Variants in SSU72 observed in about 807,000 individuals in gnomAD.
The protein encoded by SSU72 is SSU72 homolog, RNA polymerase II CTD phosphatase, also known as RNA polymerase II subunit A C-terminal domain phosphatase SSU72.
A neutral mutation model predicts 22.7 loss-of-function variants in SSU72; 12 were observed. The ratio of observed to expected loss-of-function variants is 0.53; its 90% confidence interval spans 0.34 to 0.86. The LOEUF (loss-of-function observed/expected upper bound fraction) is 0.86, where lower values mean the gene tolerates loss of function less well. Among genes scored for constraint, SSU72 ranks in the 40% least tolerant of loss-of-function variants. The pLI, the probability that SSU72 is intolerant of heterozygous loss-of-function variation, is 0.02. For synonymous variants in SSU72, 116 were observed against 98.3 expected, an observed-to-expected ratio of 1.18 and a Z score of -1.06; for missense variants, 151 against 249.8, an observed-to-expected ratio of 0.60 and a Z score of 2.67.
chr1:1,551,856 G>A (rs148143667), intron 2 of SSU72, among the ~76,000 whole-genome samples: 398 of 152,252 alleles, frequency 2.6e-3, no homozygotes, highest in African/African-American at 8.3e-3. Flanking sequence ...GGGCCACGCC[G>A]GGCCACCACT....
chr1:1,543,652 T>TCTGTCACGGCCTCGGCCACTCCCCA (rs1557493786), intron 4 of SSU72, among the ~76,000 whole-genome samples: 1 of 135,274 alleles, frequency 7.4e-6, no homozygotes, highest in African/African-American at 2.9e-5. Flanking sequence ...GCCACTCCCC[T>TCTGTCACGGCCTCGGCCACTCCCCA]CTGTCACGGC....
Position 1,546,136 on chromosome 1 carries a change from T to C in SSU72, c.225-1134A>G, listed in dbSNP as rs181690192. The C allele has an allele frequency of 3.8e-3, 578 of 152,396 alleles. 6 individuals carry two copies. The highest frequency in any genetic ancestry group is 0.013 in the African/African-American group (559 of 41,590). 9.4% of individuals were successfully genotyped at this position (152,396 alleles called of 1,614,324 possible). On this transcript the variant is annotated intron_variant, in intron 2 of 4. Coordinates refer to ENST00000291386, the MANE Select transcript of SSU72 (RefSeq NM_014188.3). ...AGACTGGGTTCCCAAAGATGAGCTC[T>C]GTGGTCTGCAGGAGCTCATTTGAGC...
At position 1,574,502 on chromosome 1, in the gene SSU72, C is replaced by T; in HGVS notation, c.56G>A (p.Ser19Asn). Residue 19 changes from serine to asparagine, a missense_variant, in exon 1 of 5, where the codon AGC (serine) becomes AAC (asparagine). Ser to Asn is a conservative substitution (Grantham distance 46). Transcript: ENST00000291386. ...CCTGAGGATGTTGTGCGCCTCCATGCTCCGGTTCTGGTTGCTCGAGCACAC... is the reference window on the plus strand; with the variant it reads ...CCTGAGGATGTTGTGCGCCTCCATGTTCCGGTTCTGGTTGCTCGAGCACAC... Reference protein sequence around the residue: ...AVVCSSNQNRSMEAHNILSKR... With the variant: ...AVVCSSNQNRNMEAHNILSKR... 1 of 1,595,742 alleles carries T rather than the reference C, an allele frequency of 6.3e-7. No individual in the cohort carries two copies. The highest frequency in any genetic ancestry group is 8.5e-7 in the Non-Finnish European group (1 of 1,173,290).
At chr1:1,549,839 T>G (rs1642435479) in intron 2 of SSU72, among the ~76,000 whole-genome samples, 1 of 151,890 alleles carries the variant, frequency 6.6e-6, no homozygotes, top group African/African-American at 2.4e-5. Context: ...CCGGGCATGG[T>G]GGCGGGTGCC....
chr1:1,543,314 C>G (rs55694463), intron 4 of SSU72, among the ~76,000 whole-genome samples: 1,702 of 152,354 alleles, frequency 0.011, 19 homozygotes, highest in Non-Finnish European at 0.015. Flanking sequence ...TGCACCGCAT[C>G]CCGGAGAGCT....
At position 1,544,138 on chromosome 1, in the gene SSU72, C is replaced by A. The variant is rs550147780; in HGVS notation, c.365-151G>T. The A allele has an allele frequency of 5.9e-4, 363 of 616,956 alleles. 6 individuals carry two copies. The highest frequency in any genetic ancestry group is 5.7e-3 in the South Asian group (287 of 50,552). 38.2% of individuals were successfully genotyped at this position (616,956 alleles called of 1,614,324 possible). On this transcript the variant is annotated intron_variant, in intron 3 of 4. Transcript: ENST00000291386. ...CAGTTTGGGGAGCACAATGAATGAG[C>A]CTCAAACCGAAGGCGGCTGATGGTT...
At chr1:1,549,468 A>G (rs890479480) in intron 2 of SSU72, among the ~76,000 whole-genome samples, 2 of 151,568 alleles carry the variant, frequency 1.3e-5, no homozygotes, top group South Asian at 2.1e-4. Flanking sequence ...TGCAGTGAGC[A>G]AGATCGCACC....
At chr1:1,550,927 T>A (rs1642448652) in intron 2 of SSU72, among the ~76,000 whole-genome samples, 2 of 152,026 alleles carry the variant, frequency 1.3e-5, no homozygotes, top group South Asian at 4.1e-4. Context: ...TAGGACCTCC[T>A]CTTAAGCTGG....
At chr1:1,548,417 T>G (rs775538524) in intron 2 of SSU72, among the ~76,000 whole-genome samples, 99 of 152,168 alleles carry the variant, frequency 6.5e-4, no homozygotes, top group Non-Finnish European at 1.1e-3. Flanking sequence ...TAGCCAGGCG[T>G]CGTGGCAGGC....
intron 2 of SSU72, among the ~76,000 whole-genome samples, chr1:1,552,025 C>G (rs1277372480): frequency 3.9e-5 from 6 of 152,230 alleles, no homozygotes; most frequent in Admixed American, 3.9e-4. Flanking sequence ...AATGTATCAG[C>G]AACTCCCCTG....
chr1:1,548,042 G>A (rs1284392222), intron 2 of SSU72, among the ~76,000 whole-genome samples: 1 of 152,210 alleles, frequency 6.6e-6, no homozygotes, highest in Non-Finnish European at 1.5e-5. Context: ...GGCCTGAAAC[G>A]TACCCAGAAA....
In SSU72 at chr1:1,542,479, C is replaced by G. The variant is rs555365426; in HGVS notation, c.484-312G>C. Among the ~76,000 whole-genome samples the G allele has an allele frequency of 5.3e-5, 8 of 152,282 alleles. No homozygotes were observed. Among genetic ancestry groups the G allele is most frequent in the Admixed American group, 3.3e-4 (5 of 15,304 alleles). On this transcript the variant is annotated intron_variant, in intron 4 of 4. Coordinates refer to ENST00000291386, the MANE Select transcript of SSU72 (RefSeq NM_014188.3). The surrounding 1 kb of genome is among the most constrained non-coding windows in gnomAD (Gnocchi z 4.4). ...GCCAGGGCTCAGACCCACACATGCA[C>G]AGCGGGGCCGACCAACCCTCACCGC...
chr1:1,547,125 G>A (rs1433099755), intron 2 of SSU72, among the ~76,000 whole-genome samples: 1 of 152,138 alleles, frequency 6.6e-6, no homozygotes, highest in Non-Finnish European at 1.5e-5. Flanking sequence ...TCACGGAGAG[G>A]AACCGGGGTC....
chr1:1,553,911 G>A (rs1260362389), intron 2 of SSU72, among the ~76,000 whole-genome samples: 6 of 152,128 alleles, frequency 3.9e-5, no homozygotes, highest in South Asian at 2.1e-4. Flanking sequence ...TGAAAAAAAC[G>A]GAGGATAAAG....
At chr1:1,559,956 C>A (rs1057068522) in intron 2 of SSU72, among the ~76,000 whole-genome samples, 4 of 152,096 alleles carry the variant, frequency 2.6e-5, no homozygotes, top group African/African-American at 9.7e-5. Context: ...AACTCTCGAC[C>A]TTGGGTGATC....
At chr1:1,564,745 G>A (rs1642638558) in intron 2 of SSU72, 28 bp downstream of exon 2, 8 of 1,614,208 alleles carry the variant, frequency 5.0e-6, no homozygotes, top group Non-Finnish European at 6.8e-6. Context: ...CACACGGGGG[G>A]TTTTTAAAGG....
chr1:1,546,583 TC>T (rs1254151264), intron 2 of SSU72: 1 of 152,050 alleles, frequency 6.6e-6, no homozygotes, highest in Non-Finnish European at 1.5e-5. Context: ...ACACCTGTCA[TC>T]CCAGCACATC....
chr1:1,544,806 T>TC, intron 3 of SSU72, 57 bp downstream of exon 3: 1 of 1,612,042 alleles, frequency 6.2e-7, no homozygotes. Context: ...CCTGCAGGCA[T>TC]CCCCAGACCC....
intron 1 of SSU72, 93 bp from the exon 2 acceptor site, chr1:1,565,009 T>C: frequency 2.1e-6 from 3 of 1,454,790 alleles, no homozygotes; most frequent in Non-Finnish European, 2.8e-6. Context: ...ACAAAATGAG[T>C]AATTTCATTG....
Sources: allele counts gnomAD v4.1 joint callset (sites outside exome capture counted in the v4.1 genomes callset), GRCh38; gene constraint gnomAD v4.1.1; non-coding constraint Gnocchi (gnomAD v3.1); transcripts MANE v1.5; gene names NCBI Gene and HGNC (gene_info 2026-07-23, HGNC 2026-07-21).